The following DOCK2 variants were observed in gnomAD, a reference collection of about 807,000 sequenced individuals.
DOCK2 encodes the protein dedicator of cytokinesis protein 2.
DOCK2 carries 87 observed loss-of-function variants against 248.9 expected under a neutral mutation model. The ratio of observed to expected loss-of-function variants is 0.35; its 90% CI spans 0.29 to 0.42. DOCK2 has a LOEUF of 0.42. Among genes scored for constraint, DOCK2 ranks in the 10% least tolerant of loss-of-function variants. DOCK2 has a pLI of 1.00. For missense variants in DOCK2, 1,747 were observed against 2,300.2 expected (o/e 0.76, Z 4.92); for synonymous variants, 805 against 821.6 (o/e 0.98, Z 0.35).
chr5:170,082,157 T>C (rs1758057764), intron 51 of DOCK2, among the ~76,000 whole-genome samples, 173 bp downstream of exon 51: 1 of 152,038 alleles, frequency 6.6e-6, no homozygotes, highest in South Asian at 2.1e-4. Context: ...AGAGGGCAGT[T>C]CTCCTCTGGG....
chr5:169,763,932 G>A lies in DOCK2; in HGVS notation c.2554+2307G>A, dbSNP rs1340542998. 2.0e-5 allele frequency among the ~76,000 whole-genome samples: 3 copies of A among 152,172 alleles called. No individual in the cohort carries two copies. The highest frequency in any genetic ancestry group is 7.2e-5 in the African/African-American group (3 of 41,436). ...CTCCCACCATCTATTTGCTAAGTGA[G>A]CCCTGTTACCAAAATAGTCCCAAAG... On this transcript the variant is annotated intron_variant, in intron 25 of 51. Coordinates refer to ENST00000520908, the MANE Select transcript of DOCK2 (RefSeq NM_004946.3). The surrounding 1 kb of genome is among the most constrained non-coding windows in gnomAD (Gnocchi z 4.1).
chr5:170,008,846 C>A, intron 32 of DOCK2, 100 bp downstream of exon 32: 2 of 1,358,212 alleles, frequency 1.5e-6, no homozygotes, highest in Non-Finnish European at 2.1e-6. Context: ...GCAGTGGGAG[C>A]ATGAAATAAC....
intron 20 of DOCK2, among the ~76,000 whole-genome samples, chr5:169,716,738 A>T (rs536120826): frequency 1.3e-5 from 2 of 152,296 alleles, no homozygotes; most frequent in East Asian, 3.9e-4. Flanking sequence ...ACTTTTCATG[A>T]TGCTGTACCA....
At chr5:169,731,531 C>T (rs1762766878) in intron 22 of DOCK2, among the ~76,000 whole-genome samples, 1 of 152,104 alleles carries the variant, frequency 6.6e-6, no homozygotes, top group Non-Finnish European at 1.5e-5. Context: ...TTGTAAATGG[C>T]CTAGTCTCGG....
chr5:169,810,652 C>A (rs188331746), intron 26 of DOCK2, among the ~76,000 whole-genome samples: 33 of 152,270 alleles, frequency 2.2e-4, no homozygotes, highest in African/African-American at 7.9e-4. Context: ...TGACCATGCC[C>A]TTTCCAACTG....
At chr5:169,794,895 C>A (rs1352689171) in intron 25 of DOCK2, among the ~76,000 whole-genome samples, 1 of 152,192 alleles carries the variant, frequency 6.6e-6, no homozygotes, top group Non-Finnish European at 1.5e-5. Context: ...TGCACTCCAG[C>A]CTGGGTGACA....
chr5:169,874,271 G>A (rs1158726565), intron 27 of DOCK2, among the ~76,000 whole-genome samples: 2 of 151,988 alleles, frequency 1.3e-5, no homozygotes, highest in Non-Finnish European at 2.9e-5. Context: ...AAATTAGCTG[G>A]GTGTGGTGGC....
intron 33 of DOCK2, among the ~76,000 whole-genome samples, chr5:170,024,518 G>A (rs893036718): frequency 1.3e-5 from 2 of 152,088 alleles, no homozygotes; most frequent in Non-Finnish European, 2.9e-5. Context: ...TGATGACAAT[G>A]ACAATAGCAT....
At chr5:169,987,271 A>G (rs1393247253) in intron 29 of DOCK2, among the ~76,000 whole-genome samples, 1 of 152,218 alleles carries the variant, frequency 6.6e-6, no homozygotes, top group Non-Finnish European at 1.5e-5. Context: ...GCCACTCTTC[A>G]AAGGTCTGGC....
At chr5:169,819,560 G>A (rs769446441) in intron 26 of DOCK2, among the ~76,000 whole-genome samples, 33 of 152,174 alleles carry the variant, frequency 2.2e-4, no homozygotes, top group Non-Finnish European at 8.8e-5. Flanking sequence ...GCTAGTGGAT[G>A]CAGTGAGCTG....
chr5:169,693,105 G>C (rs959474432), intron 9 of DOCK2, among the ~76,000 whole-genome samples: 1 of 152,040 alleles, frequency 6.6e-6, no homozygotes, highest in African/African-American at 2.4e-5. Flanking sequence ...ACCAATCTAA[G>C]TATTTCAAAA....
chr5:169,928,188 G>C (rs182482157), intron 27 of DOCK2, among the ~76,000 whole-genome samples: 272 of 152,214 alleles, frequency 1.8e-3, no homozygotes, highest in African/African-American at 6.2e-3. Context: ...CCCACCCAAG[G>C]CCAAACCAAT....
At chr5:169,842,100 A>G (rs559398772) in intron 27 of DOCK2, among the ~76,000 whole-genome samples, 2 of 152,332 alleles carry the variant, frequency 1.3e-5, no homozygotes, top group South Asian at 4.1e-4. Flanking sequence ...CATGTTTTGT[A>G]TGAAATTTTC....
intron 1 of DOCK2, among the ~76,000 whole-genome samples, chr5:169,646,145 AGT>A (rs915201502): frequency 2.0e-5 from 3 of 152,188 alleles, no homozygotes; most frequent in African/African-American, 7.2e-5. Context: ...GTCCAGTTTC[AGT>A]TTTCCACATA....
intron 29 of DOCK2, among the ~76,000 whole-genome samples, chr5:169,992,621 C>A (rs553318733): frequency 5.9e-5 from 9 of 152,202 alleles, no homozygotes; most frequent in South Asian, 2.1e-4. Flanking sequence ...CTCGCCACCA[C>A]GCCCAGCTAA....
chr5:169,806,827 G>T (rs1450518156), intron 26 of DOCK2, among the ~76,000 whole-genome samples: 1 of 151,976 alleles, frequency 6.6e-6, no homozygotes, highest in Non-Finnish European at 1.5e-5. Context: ...TTCCAATCTT[G>T]GGGTAGGGGA....
chr5:169,789,845 T>A (rs1442410490), intron 25 of DOCK2, among the ~76,000 whole-genome samples: 1 of 152,218 alleles, frequency 6.6e-6, no homozygotes, highest in Non-Finnish European at 1.5e-5. Context: ...AGCGGATAAA[T>A]TCTTCCCATT....
chr5:169,740,597 G>A (rs1266770061), intron 22 of DOCK2, among the ~76,000 whole-genome samples: 1 of 152,220 alleles, frequency 6.6e-6, no homozygotes, highest in African/African-American at 2.4e-5. Flanking sequence ...GAGCTGATCT[G>A]CACCCCGCCT....
intron 27 of DOCK2, chr5:169,875,521 A>T (rs1465061246): frequency 3.1e-6 from 1 of 317,520 alleles, no homozygotes; most frequent in Non-Finnish European, 6.3e-6. Flanking sequence ...TTGTTGGAAG[A>T]CAGAACTGTG....
Sources: allele counts gnomAD v4.1 joint callset (sites outside exome capture counted in the v4.1 genomes callset), GRCh38; gene constraint gnomAD v4.1.1; non-coding constraint Gnocchi (gnomAD v3.1); transcripts MANE v1.5; gene names NCBI Gene and HGNC (gene_info 2026-07-23, HGNC 2026-07-21).